Variants in TENM4 observed in about 807,000 individuals in gnomAD.
The protein encoded by TENM4 is teneurin transmembrane protein 4, also known as teneurin-4.
In TENM4, 82 loss-of-function variants were observed where a neutral mutation model predicts 243.3. The observed-to-expected ratio is 0.34, with a 90% CI of 0.28 to 0.40. The LOEUF (loss-of-function observed/expected upper bound fraction) is 0.40, where lower values mean the gene tolerates loss of function less well. Among genes scored for constraint, TENM4 ranks in the 10% least tolerant of loss-of-function variants. The pLI is 1.00. For synonymous variants in TENM4, 1,412 were observed against 1,456.3 expected (o/e 0.97, Z 0.69); for missense variants, 3,138 against 3,673.3 (o/e 0.85, Z 3.77).
At chr11:79,112,906 C>T (rs115430997) in intron 4 of TENM4, among the ~76,000 whole-genome samples, 2 of 152,158 alleles carry the variant, frequency 1.3e-5, no homozygotes, top group Admixed American at 6.5e-5. Flanking sequence ...TCTGCACCAA[C>T]AAGCCGTTCA....
intron 7 of TENM4, among the ~76,000 whole-genome samples, chr11:78,902,454 C>T (rs1195138855): frequency 3.9e-5 from 6 of 152,134 alleles, no homozygotes; most frequent in African/African-American, 7.2e-5. Context: ...AGAGGGATCC[C>T]GGCCAGCAGA....
At chr11:79,421,928 C>T (rs1010059285) in intron 1 of TENM4, among the ~76,000 whole-genome samples, 3 of 152,050 alleles carry the variant, frequency 2.0e-5, no homozygotes, top group Admixed American at 2.0e-4. Context: ...TCAATGAGGC[C>T]CAAGGTGCAG....
chr11:79,324,567 G>C (rs1303873456), intron 1 of TENM4, among the ~76,000 whole-genome samples: 1 of 152,204 alleles, frequency 6.6e-6, no homozygotes, highest in East Asian at 1.9e-4. Flanking sequence ...GTTGGCTGAG[G>C]AACCCATGGA....
At chr11:78,987,286 C>T (rs1423702771) in intron 6 of TENM4, among the ~76,000 whole-genome samples, 1 of 151,770 alleles carries the variant, frequency 6.6e-6, no homozygotes, top group Non-Finnish European at 1.5e-5. Context: ...TATATTCATA[C>T]AATGAGAAGC....
intron 1 of TENM4, among the ~76,000 whole-genome samples, chr11:79,313,109 T>C (rs1856749049): frequency 6.6e-6 from 1 of 152,214 alleles, no homozygotes; most frequent in Admixed American, 6.5e-5. Flanking sequence ...ATCATACTTC[T>C]CCGACTTCAG....
At chr11:79,172,892 C>T (rs916835055) in intron 3 of TENM4, among the ~76,000 whole-genome samples, 3 of 152,144 alleles carry the variant, frequency 2.0e-5, no homozygotes, top group Admixed American at 6.5e-5. Context: ...TCGCCTGCCT[C>T]GGCCTCCCAA....
chr11:78,900,547 G>GA (rs1368625080), intron 7 of TENM4, among the ~76,000 whole-genome samples: 11 of 152,142 alleles, frequency 7.2e-5, no homozygotes, highest in African/African-American at 2.2e-4. Flanking sequence ...AGATGTATAT[G>GA]AAAAAAATGG....
chr11:78,844,563 A>G (rs535290870), intron 12 of TENM4, among the ~76,000 whole-genome samples: 1 of 152,134 alleles, frequency 6.6e-6, no homozygotes, highest in South Asian at 2.1e-4. Flanking sequence ...AATCGCTTGA[A>G]CCAGGCAGGT....
intron 29 of TENM4, among the ~76,000 whole-genome samples, chr11:78,685,969 TC>T (rs1858657144): frequency 6.6e-6 from 1 of 152,220 alleles, no homozygotes; most frequent in South Asian, 2.1e-4. Flanking sequence ...TTGAGGCACT[TC>T]AGGACTCAGA....
At chr11:78,914,820 C>T (rs949021266) in intron 6 of TENM4, among the ~76,000 whole-genome samples, 2 of 152,224 alleles carry the variant, frequency 1.3e-5, no homozygotes, top group African/African-American at 4.8e-5. Flanking sequence ...AGCTCCTCAC[C>T]ACCCCTACTG....
chr11:79,284,631 A>T (rs910651000), intron 2 of TENM4, among the ~76,000 whole-genome samples: 4 of 152,362 alleles, frequency 2.6e-5, no homozygotes, highest in African/African-American at 9.6e-5. Context: ...TCATTACTTT[A>T]GATTAAGCTA....
At chr11:78,774,124 CAA>C (rs1171427883) in intron 17 of TENM4, among the ~76,000 whole-genome samples, 5 of 152,012 alleles carry the variant, frequency 3.3e-5, no homozygotes, top group Non-Finnish European at 5.9e-5. Flanking sequence ...ATACCTGATT[CAA>C]AGAGTATGTG....
intron 6 of TENM4, among the ~76,000 whole-genome samples, chr11:78,982,345 G>A (rs1020527859): frequency 3.3e-5 from 5 of 152,094 alleles, no homozygotes; most frequent in Non-Finnish European, 5.9e-5. Context: ...GTCCACTCGC[G>A]GCTGTGGCCT....
rs1271982102 is a variant in TENM4 at position 78,862,563 on chromosome 11, T to C, written c.1255+399A>G. On this transcript the variant is annotated intron_variant, in intron 10 of 33. Coordinates refer to ENST00000278550, the MANE Select transcript of TENM4 (RefSeq NM_001098816.3). ...TAAACCACAAGAGTCCAAGAATCTT[T>C]CCATTACAACACCCCATCTACCTGC... 3.3e-5 allele frequency among the ~76,000 whole-genome samples: 5 copies of C among 152,198 alleles called. No individual in the cohort carries two copies. The East Asian group carries it at 7.7e-4, about 24-fold the overall frequency.
intron 6 of TENM4, among the ~76,000 whole-genome samples, chr11:79,064,234 A>G (rs1414713756): frequency 6.6e-6 from 1 of 152,190 alleles, no homozygotes; most frequent in African/African-American, 2.4e-5. Context: ...CTTTGACAAC[A>G]TCTTCCCTAA....
At position 79,368,459 on chromosome 11, in the gene TENM4, G is replaced by A. The variant is rs116595059; in HGVS notation, c.-320-70916C>T. On this transcript the variant is annotated intron_variant, in intron 1 of 33. Coordinates refer to ENST00000278550, the MANE Select transcript of TENM4 (RefSeq NM_001098816.3). ...CACCCTTGGCCAACATTCCATACATGCTCACCTGTAATACTATTTATATCA... is the reference window on the plus strand; with the variant it reads ...CACCCTTGGCCAACATTCCATACATACTCACCTGTAATACTATTTATATCA... 6.6e-3 allele frequency among the ~76,000 whole-genome samples: 1,005 copies of A among 152,272 alleles called. 10 individuals are homozygous for A. The highest frequency in any genetic ancestry group is 0.024 in the African/African-American group (979 of 41,548).
intron 6 of TENM4, among the ~76,000 whole-genome samples, chr11:79,029,019 T>A (rs537044592): frequency 1.4e-4 from 22 of 152,268 alleles, no homozygotes; most frequent in African/African-American, 5.3e-4. Flanking sequence ...TAAATTCTCA[T>A]CTTAAGAATT....
At chr11:79,262,951 C>T (rs1017270480) in intron 2 of TENM4, among the ~76,000 whole-genome samples, 2 of 152,238 alleles carry the variant, frequency 1.3e-5, no homozygotes, top group African/African-American at 2.4e-5. Flanking sequence ...ATCTCTCTCC[C>T]TTCCCTAACA....
At chr11:79,203,946 A>C (rs568601461) in intron 3 of TENM4, among the ~76,000 whole-genome samples, 44 of 152,364 alleles carry the variant, frequency 2.9e-4, no homozygotes, top group African/African-American at 1.1e-3. Context: ...CCTTGAAAAC[A>C]CGCTAAGTGA....
Sources: allele counts gnomAD v4.1 joint callset (sites outside exome capture counted in the v4.1 genomes callset), GRCh38; gene constraint gnomAD v4.1.1; transcripts MANE v1.5; gene names NCBI Gene and HGNC (gene_info 2026-07-23, HGNC 2026-07-21).